The following RASSF8 variants were observed in gnomAD, a reference collection of about 807,000 sequenced individuals.
RASSF8 encodes the protein ras association domain-containing protein 8.
RASSF8 carries 22 observed loss-of-function variants against 48.5 expected under a neutral mutation model. That is an observed-to-expected ratio of 0.45 (90% CI 0.32 to 0.65). The LOEUF (loss-of-function observed/expected upper bound fraction) is 0.65. Ranked by LOEUF, RASSF8 falls within the 30% of genes least tolerant of loss-of-function variation. RASSF8 has a pLI of 0.03. For synonymous variants in RASSF8, 127 were observed against 171.5 expected (o/e 0.74, Z 2.03); for missense variants, 418 against 489.2 (o/e 0.85, Z 1.37).
chr12:26,064,846 T>A lies in RASSF8; in HGVS notation c.452T>A (p.Phe151Tyr), dbSNP rs1291880035. The A allele has an allele frequency of 6.2e-7, 1 of 1,614,130 alleles. No homozygotes were observed. Among genetic ancestry groups the A allele is most frequent in the South Asian group, 1.1e-5 (1 of 91,080 alleles). Residue 151 changes from phenylalanine to tyrosine, a missense_variant, in exon 4 of 6, where the codon TTT becomes TAT. By Grantham distance (22) the Phe-to-Tyr change is conservative (BLOSUM62 3). Coordinates refer to ENST00000689635, the MANE Select transcript of RASSF8 (RefSeq NM_001394098.1). Reference protein sequence around the residue: ...DIFGKGKETEFKQKVLNNCKT... With the variant: ...DIFGKGKETEYKQKVLNNCKT... The stretch of plus-strand genomic sequence containing the variant: ...TTTGGAAAAGGTAAAGAAACTGAGT[T>A]TAAGCAAAAGGTGCTGAATAACTGC...
Position 26,065,069 on chromosome 12 carries a change from C to G in RASSF8, c.675C>G (p.Phe225Leu). 2 of 1,613,812 alleles carry G rather than the reference C, an allele frequency of 1.2e-6. No individual in the cohort carries two copies. The highest frequency in any genetic ancestry group is 1.7e-6 in the Non-Finnish European group (2 of 1,179,876). Residue 225 changes from phenylalanine (F) to leucine (L), a missense_variant, in exon 4 of 6, where the codon TTC becomes TTG. Coordinates refer to ENST00000689635, the MANE Select transcript of RASSF8 (RefSeq NM_001394098.1). Reference sequence around the variant, plus strand: ...ATGTAGAAATTGAGGAGGAAGAATTCTGGGAAAATGAATTACAGATTGAAC... The same window carrying G: ...ATGTAGAAATTGAGGAGGAAGAATTGTGGGAAAATGAATTACAGATTGAAC... ...RNDVEIEEEE[F>L]WENELQIEQE...
At chr12:26,030,645 A>C (rs900613820) in intron 2 of RASSF8, among the ~76,000 whole-genome samples, 1 of 152,010 alleles carries the variant, frequency 6.6e-6, no homozygotes, top group Non-Finnish European at 1.5e-5. Context: ...AATAATATTT[A>C]ACTTCTTTCT....
intron 2 of RASSF8, among the ~76,000 whole-genome samples, chr12:25,997,596 G>A (rs1312022834): frequency 6.6e-6 from 1 of 152,172 alleles, no homozygotes; most frequent in Admixed American, 6.5e-5. Flanking sequence ...TTGTAACGAG[G>A]TGTTTATTGT....
chr12:26,020,286 G>A (rs2137059834), intron 2 of RASSF8: 1 of 152,226 alleles, frequency 6.6e-6, no homozygotes. Context: ...GCAACCATTG[G>A]AGGGACCCTG....
At chr12:25,987,720 C>A (rs574716061) in intron 1 of RASSF8, among the ~76,000 whole-genome samples, 1 of 152,178 alleles carries the variant, frequency 6.6e-6, no homozygotes, top group African/African-American at 2.4e-5. Context: ...ATTTTCTATC[C>A]AACAGTAGAA....
intron 2 of RASSF8, among the ~76,000 whole-genome samples, chr12:26,002,473 T>C (rs1466778971): frequency 6.6e-6 from 1 of 150,780 alleles, no homozygotes; most frequent in African/African-American, 2.4e-5. Context: ...AGTTAATACC[T>C]GTATTATATA....
chr12:26,072,322 C>G lies in RASSF8; in HGVS notation c.*3504C>G. 1 of 985,344 alleles carries G rather than the reference C, an allele frequency of 1.0e-6. No individual in the cohort carries two copies. Among genetic ancestry groups the G allele is most frequent in the Non-Finnish European group, 1.2e-6 (1 of 829,874 alleles). 61.0% of individuals were successfully genotyped at this position (985,344 alleles called of 1,614,324 possible). A position where few individuals can be genotyped will look rare whatever the true frequency, so the allele number is the denominator to read the frequency against. On this transcript the variant is annotated 3_prime_UTR_variant, in exon 6 of 6. Coordinates refer to ENST00000689635, the MANE Select transcript of RASSF8 (RefSeq NM_001394098.1). ...AAGGCCATCAGCTGTATCAAAAAGA[C>G]AAAACAATCACTATTTATTCAGTAT...
At chr12:26,045,052 A>G (rs1943343494) in intron 2 of RASSF8, among the ~76,000 whole-genome samples, 1 of 152,172 alleles carries the variant, frequency 6.6e-6, no homozygotes, top group Non-Finnish European at 1.5e-5. Context: ...TTAATTATTT[A>G]ATTGGCTTAG....
At chr12:26,067,898 G>C (rs759982603) in intron 5 of RASSF8, among the ~76,000 whole-genome samples, 185 bp downstream of exon 5, 7 of 151,912 alleles carry the variant, frequency 4.6e-5, no homozygotes, top group Non-Finnish European at 1.0e-4. Context: ...CCTGTAGCCG[G>C]GGCTACAGGT....
chr12:26,031,400 T>C (rs918449334), intron 2 of RASSF8, among the ~76,000 whole-genome samples: 6 of 152,150 alleles, frequency 3.9e-5, no homozygotes, highest in African/African-American at 1.4e-4. Context: ...GACCCATCCA[T>C]CCTCATCATG....
intron 1 of RASSF8, among the ~76,000 whole-genome samples, chr12:25,991,506 A>G (rs1942013946): frequency 6.6e-6 from 1 of 151,958 alleles, no homozygotes; most frequent in Non-Finnish European, 1.5e-5. Context: ...GATCTTTAAT[A>G]AGGTTGCAAC....
At chr12:26,060,877 G>A (rs889663753) in intron 3 of RASSF8, among the ~76,000 whole-genome samples, 5 of 152,136 alleles carry the variant, frequency 3.3e-5, no homozygotes, top group Non-Finnish European at 4.4e-5. Context: ...AGATATGTTA[G>A]CATTAAATTC....
At position 26,038,784 on chromosome 12, in the gene RASSF8, T is replaced by C. The variant is rs1943205500; in HGVS notation, c.-108-16452T>C. Among the ~76,000 whole-genome samples, 3 of 152,290 alleles carry C rather than the reference T, an allele frequency of 2.0e-5. No homozygotes were observed. The South Asian group carries it at 6.2e-4, about 32-fold the overall frequency. On this transcript the variant is annotated intron_variant, in intron 2 of 5. Transcript: ENST00000689635. ...TTGGTTTTATTTAATTTGACTTTAG[T>C]GTCCTCACAATGAATTTTATTGCCC...
chr12:26,016,740 C>A (rs1054694753), intron 2 of RASSF8, among the ~76,000 whole-genome samples: 1 of 152,100 alleles, frequency 6.6e-6, no homozygotes, highest in Non-Finnish European at 1.5e-5. Flanking sequence ...AAAATATTTT[C>A]TTCTTCCTCT....
At chr12:26,014,477 A>C (rs899901630) in intron 2 of RASSF8, among the ~76,000 whole-genome samples, 50 of 152,246 alleles carry the variant, frequency 3.3e-4, no homozygotes, top group African/African-American at 1.1e-3. Context: ...GAACAGACAC[A>C]CAGCATTTTT....
chr12:26,069,771 A>T lies in RASSF8; in HGVS notation c.*953A>T, dbSNP rs1943961874. The T allele has an allele frequency of 2.0e-6, 2 of 985,064 alleles. No individual in the cohort carries two copies. The highest frequency in any genetic ancestry group is 2.3e-4 in the East Asian group (2 of 8,828). The allele number at this position is 985,064 out of a possible 1,614,324, so 61.0% of individuals were successfully genotyped here. On this transcript the variant is annotated 3_prime_UTR_variant, in exon 6 of 6. Coordinates refer to ENST00000689635, the MANE Select transcript of RASSF8 (RefSeq NM_001394098.1). ...TAAAATAACCCGCTTCATATGTATG[A>T]TCTGTTGGTGTACACACCATGGGTA...
chr12:25,985,116 T>C (rs1178356314), intron 1 of RASSF8, among the ~76,000 whole-genome samples: 1 of 152,212 alleles, frequency 6.6e-6, no homozygotes, highest in African/African-American at 2.4e-5. Context: ...TAGTGCTTAA[T>C]GCAAACCTTT....
At chr12:25,988,726 T>G (rs1941946292) in intron 1 of RASSF8, among the ~76,000 whole-genome samples, 1 of 152,134 alleles carries the variant, frequency 6.6e-6, no homozygotes, top group African/African-American at 2.4e-5. Flanking sequence ...TTCCTCTGGT[T>G]CTCATTTATT....
At chr12:26,067,778 G>GT in intron 5 of RASSF8, 65 bp downstream of exon 5, 1 of 1,592,330 alleles carries the variant, frequency 6.3e-7, no homozygotes, top group Non-Finnish European at 8.6e-7. Flanking sequence ...TTTTGTTTTT[G>GT]TTTTTTGAGA....
Sources: allele counts gnomAD v4.1 joint callset (sites outside exome capture counted in the v4.1 genomes callset), GRCh38; gene constraint gnomAD v4.1.1; transcripts MANE v1.5; gene names NCBI Gene and HGNC (gene_info 2026-07-23, HGNC 2026-07-21).